PELI2: variants seen among roughly 807,000 people sequenced by gnomAD.
PELI2 encodes pellino E3 ubiquitin protein ligase family member 2.
PELI2 carries 23 observed loss-of-function variants against 42.3 expected under a neutral mutation model. The ratio of observed to expected loss-of-function variants is 0.54; its 90% CI spans 0.39 to 0.77. The LOEUF is 0.77. Ranked by LOEUF, PELI2 falls within the 30% of genes least tolerant of loss-of-function variation. PELI2 has a pLI of 0.00. For synonymous variants in PELI2, 245 were observed against 212.2 expected (o/e 1.15, Z -1.34); for missense variants, 463 against 553.2 (o/e 0.84, Z 1.64).
rs111825772 is a variant in PELI2 at position 56,218,702 on chromosome 14, CGTGT to C, written c.207+40259_207+40262del. Among the ~76,000 whole-genome samples the C allele has an allele frequency of 1.9e-3, 290 of 149,602 alleles. 1 individual carries two copies. The highest frequency in any genetic ancestry group is 5.0e-3 in the African/African-American group (203 of 40,760). Reference sequence around the variant, plus strand: ...CTGTGTGCATGCACGCACATGTGTGCGTGTGTGTGTGTGTGTGTGTGTGTTTGAG... The same window carrying C: ...CTGTGTGCATGCACGCACATGTGTGCGTGTGTGTGTGTGTGTGTGTTTGAG... On this transcript the variant is annotated intron_variant, in intron 2 of 5. Coordinates refer to ENST00000267460, the MANE Select transcript of PELI2 (RefSeq NM_021255.3).
At position 56,197,969 on chromosome 14, in the gene PELI2, GACACACACACACAC is replaced by G. The variant is rs4038318; in HGVS notation, c.207+19536_207+19549del. On this transcript the variant is annotated intron_variant, in intron 2 of 5. Coordinates refer to ENST00000267460, the MANE Select transcript of PELI2 (RefSeq NM_021255.3). This position sits in a 1 kb window ranked among gnomAD's most constrained non-coding sequence, Gnocchi z 4.9. Reference sequence around the variant, plus strand: ...CACACCAGGGATCATGACTGGTGAAGACACACACACACACACACACACACACACACACACACACA... The same window carrying G: ...CACACCAGGGATCATGACTGGTGAAGACACACACACACACACACACACACA... Among the ~76,000 whole-genome samples the G allele has an allele frequency of 1.3e-3, 167 of 129,744 alleles. No individual in the cohort carries two copies. Among genetic ancestry groups the G allele is most frequent in the African/African-American group, 4.3e-3 (137 of 31,886 alleles). 85.1% of individuals were successfully genotyped at this position (129,744 alleles called of 152,430 possible). A position where few individuals can be genotyped will look rare whatever the true frequency, so the allele number is the denominator to read the frequency against.
At chr14:56,152,678 A>G (rs1884408209) in intron 1 of PELI2, among the ~76,000 whole-genome samples, 1 of 152,312 alleles carries the variant, frequency 6.6e-6, no homozygotes, top group South Asian at 2.1e-4. Context: ...AATTTTTCAT[A>G]TATATTCTTC....
At chr14:56,267,298 A>T (rs1888942240) in intron 2 of PELI2, among the ~76,000 whole-genome samples, 1 of 152,142 alleles carries the variant, frequency 6.6e-6, no homozygotes, top group Non-Finnish European at 1.5e-5. Context: ...TGCAGACATC[A>T]TCTGAGTTTT....
At chr14:56,260,674 A>G (rs1322432355) in intron 2 of PELI2, among the ~76,000 whole-genome samples, 2 of 152,260 alleles carry the variant, frequency 1.3e-5, no homozygotes, top group Non-Finnish European at 2.9e-5. Context: ...AGTTTTTCAT[A>G]AAGTAAATTT....
At chr14:56,207,565 C>T (rs987935440) in intron 2 of PELI2, among the ~76,000 whole-genome samples, 2 of 152,132 alleles carry the variant, frequency 1.3e-5, no homozygotes, top group Non-Finnish European at 2.9e-5. Context: ...ATTGTATTTA[C>T]ATAGAAATGA....
At chr14:56,161,367 C>T (rs1462192093) in intron 1 of PELI2, among the ~76,000 whole-genome samples, 5 of 150,836 alleles carry the variant, frequency 3.3e-5, no homozygotes, top group South Asian at 2.1e-4. Context: ...AGTGCAGTGG[C>T]GTGATCTCAG....
chr14:56,280,462 A>G (rs1037452340), intron 3 of PELI2, among the ~76,000 whole-genome samples: 1 of 152,114 alleles, frequency 6.6e-6, no homozygotes, highest in African/African-American at 2.4e-5. Flanking sequence ...TTAGTACTTT[A>G]AAACAACAAA....
chr14:56,118,609 C>T lies in PELI2; in HGVS notation c.-52C>T. 8.4e-7 allele frequency: 1 copy of T among 1,183,972 alleles called. No individual in the cohort carries two copies. The highest frequency in any genetic ancestry group is 1.1e-6 in the Non-Finnish European group (1 of 904,232). The allele number at this position is 1,183,972 out of a possible 1,614,324, so 73.3% of individuals were successfully genotyped here. The stretch of plus-strand genomic sequence containing the variant: ...GCGGCGGCGCGGACTCGGCGGGGAT[C>T]GCGGCGGAGGCGGCGGCGTCGGCGG... On this transcript the variant is annotated 5_prime_UTR_variant, in exon 1 of 6. Coordinates refer to ENST00000267460, the MANE Select transcript of PELI2 (RefSeq NM_021255.3).
At chr14:56,149,369 A>G (rs530518314) in intron 1 of PELI2, among the ~76,000 whole-genome samples, 2 of 152,180 alleles carry the variant, frequency 1.3e-5, no homozygotes, top group Non-Finnish European at 2.9e-5. Flanking sequence ...CTGGTAAGAT[A>G]TTCCGCACAC....
At chr14:56,125,648 A>G (rs552307409) in intron 1 of PELI2, among the ~76,000 whole-genome samples, 19 of 152,216 alleles carry the variant, frequency 1.2e-4, no homozygotes, top group Admixed American at 7.2e-4. Context: ...TATATAAGCA[A>G]TTTACTGAAG....
chr14:56,296,662 C>T lies in PELI2; in HGVS notation c.759C>T (p.Leu253=), dbSNP rs765372224. ...GSLIDLCGAT[L]LWRTADGLFH... ...TCATTGACCTGTGTGGGGCCACTCT[C>T]CTCTGGAGAACAGCAGATGGGCTTT... is the stretch of plus-strand genomic sequence containing the variant. Residue 253 remains leucine (L), a synonymous_variant, in exon 6 of 6, where the codon CTC becomes CTT. Transcript: ENST00000267460. 6.2e-7 allele frequency: 1 copy of T among 1,614,146 alleles called. No homozygotes were observed. Among genetic ancestry groups the T allele is most frequent in the Non-Finnish European group, 8.5e-7 (1 of 1,179,992 alleles).
At chr14:56,202,858 G>A (rs1331247247) in intron 2 of PELI2, among the ~76,000 whole-genome samples, 1 of 152,052 alleles carries the variant, frequency 6.6e-6, no homozygotes, top group Non-Finnish European at 1.5e-5. Flanking sequence ...ACCTGTCCTG[G>A]TCTATTCAAA....
intron 1 of PELI2, among the ~76,000 whole-genome samples, chr14:56,161,634 G>A (rs984823070): frequency 7.9e-5 from 12 of 152,308 alleles, no homozygotes; most frequent in South Asian, 4.1e-4. Context: ...TCAAAAGACA[G>A]GGTGTCTTTT....
intron 1 of PELI2, among the ~76,000 whole-genome samples, chr14:56,132,043 T>A (rs1299284358): frequency 2.0e-5 from 3 of 152,156 alleles, no homozygotes; most frequent in African/African-American, 4.8e-5. Flanking sequence ...ATTAGTAAAT[T>A]GAACTGCAAG....
chr14:56,127,930 T>C (rs115984821), intron 1 of PELI2, among the ~76,000 whole-genome samples: 2,920 of 152,344 alleles, frequency 0.019, 91 homozygotes, highest in African/African-American at 0.066. Context: ...TATAATTTTG[T>C]TGTTTTTAAA....
Position 56,137,200 on chromosome 14 carries a change from C to CTT in PELI2, c.77+18472_77+18473dup, listed in dbSNP as rs33928658. On this transcript the variant is annotated intron_variant, in intron 1 of 5. Transcript: ENST00000267460. ...ATCATTAACACAAGCCCATAGTAAC[C>CTT]TTTTTTTTTTGTCTTAGAAGAGAAA... Among the ~76,000 whole-genome samples, 727 of 149,612 alleles carry CTT rather than the reference C, an allele frequency of 4.9e-3. 7 individuals are homozygous for CTT. Among genetic ancestry groups the CTT allele is most frequent in the East Asian group, 0.02 (101 of 5,112 alleles).
At chr14:56,198,811 A>G (rs1886231763) in intron 2 of PELI2, among the ~76,000 whole-genome samples, 1 of 152,054 alleles carries the variant, frequency 6.6e-6, no homozygotes, top group East Asian at 1.9e-4. Flanking sequence ...GAGGGTATAA[A>G]TGGTTCTTGT....
chr14:56,185,664 TCA>T (rs1885746916), intron 2 of PELI2, among the ~76,000 whole-genome samples: 1 of 152,226 alleles, frequency 6.6e-6, no homozygotes, highest in Non-Finnish European at 1.5e-5. Context: ...CTTCATTATA[TCA>T]CAGTTTTGTT....
intron 2 of PELI2, among the ~76,000 whole-genome samples, chr14:56,186,785 A>T (rs749895399): frequency 6.6e-6 from 1 of 152,198 alleles, no homozygotes; most frequent in Admixed American, 6.5e-5. Context: ...TGATGCATGT[A>T]TTCGTTGGAA....
Sources: gnomAD v4.1 joint callset for allele counts (sites outside exome capture counted in the v4.1 genomes callset) on GRCh38, gnomAD v4.1.1 for gene constraint, Gnocchi (gnomAD v3.1) non-coding constraint, MANE v1.5 for transcripts, NCBI Gene and HGNC (gene_info 2026-07-23, HGNC 2026-07-21) for gene names.